The following LGSN variants were observed in gnomAD, a reference collection of about 807,000 sequenced individuals.
The protein encoded by LGSN is lengsin.
Under a neutral mutation model 19.5 loss-of-function variants are expected in LGSN, and 21 were observed. The ratio of observed to expected loss-of-function variants is 1.07; its 90% confidence interval spans 0.76 to 1.55. The LOEUF (loss-of-function observed/expected upper bound fraction) is 1.55, where lower values mean the gene tolerates loss of function less well. LGSN is among the 40% of genes most tolerant of loss of function. The probability of loss-of-function intolerance (pLI) is 0.00; values close to 1 mark genes in which losing one functional copy is unlikely to be tolerated. For missense variants in LGSN, 673 were observed against 608.5 expected, an observed-to-expected ratio of 1.11 and a Z score of -1.12; for synonymous variants, 257 against 215.6, an observed-to-expected ratio of 1.19 and a Z score of -1.68.
At chr6:63,357,607 T>C in the LGSN span, among the ~76,000 whole-genome samples, 1 of 152,246 alleles carries the variant, frequency 6.6e-6, no homozygotes, top group African/African-American at 2.4e-5. Flanking sequence ...TTTTCATGTG[T>C]CTTTTGGCTG....
At chr6:63,430,474 C>T in the LGSN span, among the ~76,000 whole-genome samples, 4 of 151,990 alleles carry the variant, frequency 2.6e-5, no homozygotes, top group Non-Finnish European at 5.9e-5. Context: ...CTGCAACCTC[C>T]GTCTCGTAGG....
chr6:63,342,630 T>C, the LGSN span, among the ~76,000 whole-genome samples: 19 of 152,198 alleles, frequency 1.2e-4, no homozygotes, highest in Non-Finnish European at 1.5e-5. Context: ...GCTCAATAAT[T>C]TCATTATAGT....
chr6:63,353,247 G>C, the LGSN span, among the ~76,000 whole-genome samples: 1 of 152,094 alleles, frequency 6.6e-6, no homozygotes, highest in African/African-American at 2.4e-5. Context: ...AGGAAATTGA[G>C]CAGTCTGGCC....
At chr6:63,550,773 C>A in the LGSN span, among the ~76,000 whole-genome samples, 2 of 151,896 alleles carry the variant, frequency 1.3e-5, no homozygotes, top group Non-Finnish European at 2.9e-5. Flanking sequence ...TATAGGCACC[C>A]ACCACCATGC....
At chr6:63,482,709 CT>C in the LGSN span, among the ~76,000 whole-genome samples, 3 of 151,918 alleles carry the variant, frequency 2.0e-5, no homozygotes, top group Non-Finnish European at 2.9e-5. Context: ...TCTATTCTTT[CT>C]TTTTTTTGGA....
chr6:63,428,676 G>C, the LGSN span, among the ~76,000 whole-genome samples: 12 of 152,208 alleles, frequency 7.9e-5, no homozygotes, highest in African/African-American at 2.6e-4. Context: ...AAATGAGCAG[G>C]ACATTCCAGC....
At chr6:63,476,742 C>A in the LGSN span, among the ~76,000 whole-genome samples, 2 of 152,160 alleles carry the variant, frequency 1.3e-5, no homozygotes, top group African/African-American at 4.8e-5. Context: ...GGAGACCCAG[C>A]CTTGGAAGTC....
upstream of LGSN, among the ~76,000 whole-genome samples, chr6:63,321,259 C>G (rs1434955034): frequency 6.6e-6 from 1 of 152,108 alleles, no homozygotes; most frequent in Non-Finnish European, 1.5e-5. Context: ...ACAACTTTTT[C>G]TTGCATGTGC....
chr6:63,347,531 A>G, the LGSN span, among the ~76,000 whole-genome samples: 1 of 152,202 alleles, frequency 6.6e-6, no homozygotes, highest in Non-Finnish European at 1.5e-5. Flanking sequence ...TTTCTAATCC[A>G]TCATTATTCC....
chr6:63,403,242 A>C, the LGSN span, among the ~76,000 whole-genome samples: 1 of 152,110 alleles, frequency 6.6e-6, no homozygotes, highest in Non-Finnish European at 1.5e-5. Context: ...AAAAGTTTGC[A>C]TTTATGGGCT....
At chr6:63,447,081 G>A in the LGSN span, among the ~76,000 whole-genome samples, 1 of 152,182 alleles carries the variant, frequency 6.6e-6, no homozygotes, top group Non-Finnish European at 1.5e-5. Context: ...AGCTCAACAA[G>A]AATCACTTTA....
the LGSN span, among the ~76,000 whole-genome samples, chr6:63,430,225 C>T: frequency 6.6e-6 from 1 of 152,246 alleles, no homozygotes; most frequent in East Asian, 1.9e-4. Flanking sequence ...ACTACAGCTT[C>T]TTCTAGACAC....
the LGSN span, among the ~76,000 whole-genome samples, chr6:63,437,142 A>AGGG: frequency 1.0e-5 from 1 of 98,054 alleles, no homozygotes. Context: ...AAGAAAGGAG[A>AGGG]AAGAAAGAGA....
the LGSN span, among the ~76,000 whole-genome samples, chr6:63,410,503 A>G: frequency 6.6e-6 from 1 of 152,234 alleles, no homozygotes; most frequent in Non-Finnish European, 1.5e-5. Context: ...TATTCAGATC[A>G]ATATATAAAT....
the LGSN span, among the ~76,000 whole-genome samples, chr6:63,518,221 G>A: frequency 6.6e-6 from 1 of 150,532 alleles, no homozygotes; most frequent in Non-Finnish European, 1.5e-5. Context: ...AAATATTTGT[G>A]CCACCTTTTC....
the LGSN span, among the ~76,000 whole-genome samples, chr6:63,388,779 G>A: frequency 3.9e-5 from 6 of 152,330 alleles, no homozygotes; most frequent in African/African-American, 7.2e-5. Flanking sequence ...AACTGGCTTC[G>A]AGGGCCATTT....
chr6:63,405,867 G>A, the LGSN span, among the ~76,000 whole-genome samples: 5 of 151,958 alleles, frequency 3.3e-5, no homozygotes, highest in African/African-American at 2.4e-5. Context: ...AAAAGGCAGG[G>A]GTTGCAATCC....
the LGSN span, among the ~76,000 whole-genome samples, chr6:63,457,017 A>G: frequency 6.6e-6 from 1 of 152,112 alleles, no homozygotes; most frequent in Non-Finnish European, 1.5e-5. Context: ...TCAAAAGTCA[A>G]AATGCTTGAC....
At chr6:63,539,444 G>A in the LGSN span, among the ~76,000 whole-genome samples, 1 of 151,992 alleles carries the variant, frequency 6.6e-6, no homozygotes, top group Non-Finnish European at 1.5e-5. Flanking sequence ...TATTCTTTAT[G>A]GTTTGCAAAT....
Sources: allele counts gnomAD v4.1 joint callset (sites outside exome capture counted in the v4.1 genomes callset), GRCh38; gene constraint gnomAD v4.1.1; transcripts MANE v1.5; gene names NCBI Gene and HGNC (gene_info 2026-07-23, HGNC 2026-07-21).